Variants in DNAH7 observed in about 807,000 individuals in gnomAD.
DNAH7 encodes axonemal beta dynein heavy chain 7.
Under a neutral mutation model 444.6 loss-of-function variants are expected in DNAH7, and 397 were observed. That is an observed-to-expected ratio of 0.89 (90% CI 0.82 to 0.97). The LOEUF (loss-of-function observed/expected upper bound fraction) is 0.97, where lower values mean the gene tolerates loss of function less well. Among genes scored for constraint, DNAH7 ranks in the 50% least tolerant of loss-of-function variants. The probability of loss-of-function intolerance (pLI) is 0.00; values close to 1 mark genes in which losing one functional copy is unlikely to be tolerated. For missense variants in DNAH7, 4,902 were observed against 4,800.8 expected (o/e 1.02, Z -0.62); for synonymous variants, 1,636 against 1,624.4 (o/e 1.01, Z -0.17).
Position 195,934,753 on chromosome 2 carries a change from G to C in DNAH7, c.3309C>G (p.Ile1103Met), listed in dbSNP as rs772262302. The change falls in exon 21 of 65, where the codon ATC (isoleucine) becomes ATG (methionine). Residue 1103 changes from isoleucine to methionine, a missense_variant. Ile to Met is a conservative substitution (Grantham distance 10). Transcript: ENST00000312428. ...QPHLKKCFEG[I>M]AKVEFTETLD... ...AAGTTTCCGTAAATTCTACCTTTGCGATTCCTTCAAAACATTTCTTCAAGT... is the reference window on the plus strand; with the variant it reads ...AAGTTTCCGTAAATTCTACCTTTGCCATTCCTTCAAAACATTTCTTCAAGT... The C allele has an allele frequency of 4.3e-6, 7 of 1,614,030 alleles. No individual in the cohort carries two copies. The highest frequency in any genetic ancestry group is 5.9e-6 in the Non-Finnish European group (7 of 1,179,968).
At chr2:195,745,833 A>C (rs548254221) in intron 63 of DNAH7, among the ~76,000 whole-genome samples, 2 of 152,348 alleles carry the variant, frequency 1.3e-5, no homozygotes, top group African/African-American at 4.8e-5. Flanking sequence ...CCTGCCCTAA[A>C]AGAGCTCCTG....
intron 49 of DNAH7, 29 bp from the exon 50 acceptor site, chr2:195,817,858 C>A: frequency 6.7e-7 from 1 of 1,499,700 alleles, no homozygotes; most frequent in Non-Finnish European, 9.0e-7. Flanking sequence ...ACAAAAATTA[C>A]ATCATTATTT....
chr2:196,050,904 C>T (rs1193733666), intron 3 of DNAH7, among the ~76,000 whole-genome samples: 1 of 152,174 alleles, frequency 6.6e-6, no homozygotes, highest in African/African-American at 2.4e-5. Flanking sequence ...AAGCTTTACC[C>T]CAAGCCCTTT....
At chr2:195,741,535 T>G (rs1693032303) in intron 63 of DNAH7, among the ~76,000 whole-genome samples, 2 of 152,222 alleles carry the variant, frequency 1.3e-5, no homozygotes. Flanking sequence ...TAAAACTGAT[T>G]GTAACAGTAC....
At chr2:195,744,399 G>T (rs961862162) in intron 63 of DNAH7, among the ~76,000 whole-genome samples, 1 of 152,032 alleles carries the variant, frequency 6.6e-6, no homozygotes, top group Non-Finnish European at 1.5e-5. Flanking sequence ...GCTCAAGGAG[G>T]CCTGCCTACC....
chr2:196,042,677 G>A (rs1696843653), intron 5 of DNAH7, among the ~76,000 whole-genome samples: 1 of 152,074 alleles, frequency 6.6e-6, no homozygotes, highest in Non-Finnish European at 1.5e-5. Flanking sequence ...AATGGCTACA[G>A]TGTCAAAACA....
intron 36 of DNAH7, 138 bp from the exon 37 acceptor site, chr2:195,876,837 G>C (rs972953013): frequency 3.2e-6 from 2 of 625,154 alleles, no homozygotes; most frequent in Non-Finnish European, 5.4e-6. Flanking sequence ...GGAATCAGTA[G>C]GAATAACAGT....
chr2:195,918,290 T>C (rs933471045), intron 24 of DNAH7, among the ~76,000 whole-genome samples: 16 of 152,218 alleles, frequency 1.1e-4, no homozygotes, highest in Admixed American at 2.0e-4. Flanking sequence ...CAACACCAGA[T>C]AGGAACTCTC....
chr2:195,849,728 C>A (rs527314586), intron 46 of DNAH7, among the ~76,000 whole-genome samples: 1 of 152,158 alleles, frequency 6.6e-6, no homozygotes. Context: ...AGCCTCCAAG[C>A]AGGACTGGGA....
At chr2:195,774,529 A>C (rs1390508809) in intron 60 of DNAH7, among the ~76,000 whole-genome samples, 1 of 152,218 alleles carries the variant, frequency 6.6e-6, no homozygotes, top group East Asian at 1.9e-4. Context: ...GCCTTTCAGA[A>C]TCTGGAAAGA....
At chr2:195,792,436 C>CA (rs1553519819) in intron 57 of DNAH7, among the ~76,000 whole-genome samples, 1 of 135,242 alleles carries the variant, frequency 7.4e-6, no homozygotes, top group Admixed American at 7.4e-5. Flanking sequence ...CACACACACA[C>CA]ATTAAAAAAA....
In DNAH7 at chr2:195,743,779, G is replaced by A. The variant is rs527342615; in HGVS notation, c.11765-2910C>T. On this transcript the variant is annotated intron_variant, in intron 63 of 64. Coordinates refer to ENST00000312428, the MANE Select transcript of DNAH7 (RefSeq NM_018897.3). ...CAAAAAGGCTAATTTGTGGATATAT[G>A]TGCTTATTGGTGAAACGTATATTGT... 4.7e-5 allele frequency among the ~76,000 whole-genome samples: 6 copies of A among 127,782 alleles called. No homozygotes were observed. In the South Asian group the frequency reaches 1.8e-3, roughly 39 times the overall value. 83.8% of individuals were successfully genotyped at this position (127,782 alleles called of 152,430 possible). A position where few individuals can be genotyped will look rare whatever the true frequency, so the allele number is the denominator to read the frequency against.
At chr2:196,065,477 C>G (rs1698380459) in intron 1 of DNAH7, among the ~76,000 whole-genome samples, 1 of 152,198 alleles carries the variant, frequency 6.6e-6, no homozygotes, top group Admixed American at 6.5e-5. Flanking sequence ...TGCTCTGCCT[C>G]AGATCAATTC....
intron 15 of DNAH7, among the ~76,000 whole-genome samples, chr2:195,974,405 G>A (rs1255637240): frequency 6.6e-6 from 1 of 152,038 alleles, no homozygotes; most frequent in African/African-American, 2.4e-5. Context: ...CAACTGTTTT[G>A]CCCTTGTGGT....
chr2:196,023,719 T>G (rs1482485851), intron 8 of DNAH7, among the ~76,000 whole-genome samples: 1 of 152,228 alleles, frequency 6.6e-6, no homozygotes, highest in Non-Finnish European at 1.5e-5. Context: ...TAATTTCCTT[T>G]GCATTCACAA....
At chr2:195,993,333 T>C (rs1017610355) in intron 12 of DNAH7, among the ~76,000 whole-genome samples, 1 of 152,208 alleles carries the variant, frequency 6.6e-6, no homozygotes, top group African/African-American at 2.4e-5. Flanking sequence ...CCTCTGCTTA[T>C]GTAATGTGAA....
intron 63 of DNAH7, among the ~76,000 whole-genome samples, chr2:195,750,123 A>T (rs1374489463): frequency 6.6e-6 from 1 of 152,192 alleles, no homozygotes; most frequent in Non-Finnish European, 1.5e-5. Flanking sequence ...AATAGGCTTT[A>T]TGGATCCTTT....
Position 195,760,476 on chromosome 2 carries a change from T to C in DNAH7, c.11434-4191A>G, listed in dbSNP as rs539756754. On this transcript the variant is annotated intron_variant, in intron 61 of 64. Transcript: ENST00000312428. Reference sequence around the variant, plus strand: ...ACAACAGGCCTTGGATGAGACCCAGTGCTGTGCTGGTTTCAGGTCTGACCC... The same window carrying C: ...ACAACAGGCCTTGGATGAGACCCAGCGCTGTGCTGGTTTCAGGTCTGACCC... 8.6e-4 allele frequency among the ~76,000 whole-genome samples: 131 copies of C among 152,238 alleles called. No homozygotes were observed. In the Middle Eastern group the frequency reaches 0.01, roughly 12 times the overall value.
rs761509128 is a variant in DNAH7, at chr2:195,809,737, G to C, written c.9888+8C>G. 1 of 1,573,592 alleles carries C rather than the reference G, an allele frequency of 6.4e-7. No homozygotes were observed. The highest frequency in any genetic ancestry group is 1.2e-5 in the South Asian group (1 of 83,048). ...GGTTTTTTTCTTACAAATGAAAACA[G>C]TACTGACCGCCCGCTCATGCAGCAG... On this transcript the variant is annotated splice_region_variant and intron_variant, in intron 52 of 64. Coordinates refer to ENST00000312428, the MANE Select transcript of DNAH7 (RefSeq NM_018897.3).
Sources: allele counts gnomAD v4.1 joint callset (sites outside exome capture counted in the v4.1 genomes callset), GRCh38; gene constraint gnomAD v4.1.1; transcripts MANE v1.5; gene names NCBI Gene and HGNC (gene_info 2026-07-23, HGNC 2026-07-21).